C10orf105: variants seen among roughly 807,000 people sequenced by gnomAD.
C10orf105 encodes uncharacterized protein C10orf105.
Under a neutral mutation model 0.6 loss-of-function variants are expected in C10orf105, and 2 were observed. The ratio of observed to expected loss-of-function variants is 3.18; its 90% CI spans 1.30 to 10.01. The LOEUF is 10.01. Among genes scored for constraint, C10orf105 ranks in the 30% most tolerant of loss-of-function variants. The pLI is 0.04. For missense variants in C10orf105, 209 were observed against 191.4 expected, an observed-to-expected ratio of 1.09 and a Z score of -0.54; for synonymous variants, 95 against 82.4, an observed-to-expected ratio of 1.15 and a Z score of -0.83.
At chr10:71,723,671 G>A (rs1419087338), upstream of C10orf105, among the ~76,000 whole-genome samples, 1 of 152,186 alleles carries the variant, frequency 6.6e-6, no homozygotes, top group African/African-American at 2.4e-5. Flanking sequence ...GCCACCCTGG[G>A]AGAGGCTCCT....
chr10:71,730,405 C>A, intron 1 of C10orf105: 2 of 1,580,408 alleles, frequency 1.3e-6, no homozygotes, highest in Admixed American at 1.8e-5. Flanking sequence ...CACAGTGGGC[C>A]AAGCCCTGGG....
At position 71,715,744 on chromosome 10, in the gene C10orf105, G is replaced by A; in HGVS notation, c.*192C>T. 2 of 484,274 alleles carry A rather than the reference G, an allele frequency of 4.1e-6. No homozygotes were observed. Among genetic ancestry groups the A allele is most frequent in the Non-Finnish European group, 3.6e-6 (1 of 278,560 alleles). 30.0% of individuals were successfully genotyped at this position (484,274 alleles called of 1,614,324 possible). A position where few individuals can be genotyped will look rare whatever the true frequency, so the allele number is the denominator to read the frequency against. Reference sequence around the variant, plus strand: ...GCAGCAGCGAGGGGGTCTGCAGAGAGGAAGGTGCTCTTCTGAGGATCATCT... The same window carrying A: ...GCAGCAGCGAGGGGGTCTGCAGAGAAGAAGGTGCTCTTCTGAGGATCATCT... On this transcript the variant is annotated 3_prime_UTR_variant, in exon 2 of 2. Transcript: ENST00000441508.
upstream of C10orf105, among the ~76,000 whole-genome samples, chr10:71,724,715 C>T (rs1201783035): frequency 6.6e-6 from 1 of 152,252 alleles, no homozygotes; most frequent in African/African-American, 2.4e-5. Context: ...AGCACGCTCC[C>T]CAGGGACTGG....
Position 71,712,623 on chromosome 10 carries a change from C to A in C10orf105, c.*3313G>T. 1 of 1,607,444 alleles carries A rather than the reference C, an allele frequency of 6.2e-7. No individual in the cohort carries two copies. ...AAAGTCACAGGAAGTGTGCCCCTCT[C>A]TCAGGCAGCTGCTAACACCTGTCTT... On this transcript the variant is annotated 3_prime_UTR_variant, in exon 2 of 2. Coordinates refer to ENST00000441508, the MANE Select transcript of C10orf105 (RefSeq NM_001164375.3).
chr10:71,735,517 T>A (rs955502519), intron 1 of C10orf105, among the ~76,000 whole-genome samples: 4 of 152,094 alleles, frequency 2.6e-5, no homozygotes, highest in African/African-American at 9.7e-5. Flanking sequence ...CACTCAGCCA[T>A]CAATCTGGCC....
intron 1 of C10orf105, chr10:71,730,595 C>G (rs397517327): frequency 1.2e-6 from 2 of 1,613,722 alleles, no homozygotes; most frequent in Non-Finnish European, 1.7e-6. Flanking sequence ...AGCCACAGAC[C>G]GAGACTCTGG....
At chr10:71,725,431 C>G (rs553544669) in intron 1 of C10orf105, 3 of 1,613,916 alleles carry the variant, frequency 1.9e-6, no homozygotes, top group Non-Finnish European at 1.7e-6. Context: ...GCGAGGGCCC[C>G]GGCCCCTGGA....
In C10orf105 at chr10:71,716,319, T is replaced by C. The variant is rs918471171; in HGVS notation, c.19A>G (p.Ser7Gly). ...CTGATGGCTGGGGAGCTGGCGAGGC[T>C]GGGGCCCTCTGTGCTCATGGCTCCT... MSTEGP[S>G]LASSPAISPL... is the part of the protein sequence containing the mutation. Residue 7 changes from serine (S) to glycine (G), a missense_variant, in exon 2 of 2, where the codon AGC becomes GGC. Ser to Gly is a moderately conservative substitution (Grantham distance 56, BLOSUM62 0). Coordinates refer to ENST00000441508, the MANE Select transcript of C10orf105 (RefSeq NM_001164375.3). 2 of 1,494,362 alleles carry C rather than the reference T, an allele frequency of 1.3e-6. No homozygotes were observed. Among genetic ancestry groups the C allele is most frequent in the East Asian group, 2.5e-5 (1 of 40,056 alleles). The allele number at this position is 1,494,362 out of a possible 1,614,324, so 92.6% of individuals were successfully genotyped here.
chr10:71,734,752 A>G, intron 1 of C10orf105: 1 of 784,050 alleles, frequency 1.3e-6, no homozygotes, highest in Non-Finnish European at 2.0e-6. Flanking sequence ...CACCTCTCCC[A>G]GAGAGAAGGC....
chr10:71,720,176 C>G (rs1866487328), upstream of C10orf105, among the ~76,000 whole-genome samples: 1 of 152,192 alleles, frequency 6.6e-6, no homozygotes, highest in Admixed American at 6.5e-5. Flanking sequence ...AGTGCTGGTC[C>G]CTGGCAGCCC....
In C10orf105 at chr10:71,714,746, C is replaced by G. The variant is rs12244037; in HGVS notation, c.*1190G>C. ...GGGGAGTGGCAAGCCAGAGCTCACT[C>G]CTTGGGGAGACGTGGCTGGCTGCAC... On this transcript the variant is annotated 3_prime_UTR_variant, in exon 2 of 2. Coordinates refer to ENST00000441508, the MANE Select transcript of C10orf105 (RefSeq NM_001164375.3). 1 of 152,226 alleles carries G rather than the reference C, an allele frequency of 6.6e-6. No individual in the cohort carries two copies. Among genetic ancestry groups the G allele is most frequent in the Non-Finnish European group, 1.5e-5 (1 of 68,086 alleles). The allele number at this position is 152,226 out of a possible 1,614,324, so 9.4% of individuals were successfully genotyped here. A position where few individuals can be genotyped will look rare whatever the true frequency, so the allele number is the denominator to read the frequency against.
chr10:71,721,590 C>T (rs536980152), upstream of C10orf105, among the ~76,000 whole-genome samples: 5 of 152,204 alleles, frequency 3.3e-5, no homozygotes, highest in Non-Finnish European at 7.3e-5. Flanking sequence ...GTGCCTGACC[C>T]AGGGCCCTTG....
At chr10:71,735,618 C>A (rs1052834493) in intron 1 of C10orf105, among the ~76,000 whole-genome samples, 1 of 152,204 alleles carries the variant, frequency 6.6e-6, no homozygotes, top group Non-Finnish European at 1.5e-5. Context: ...CATTGCCACG[C>A]CCTGCTGAGT....
In C10orf105 at chr10:71,725,007, C is replaced by T. The variant is rs538950934; in HGVS notation, c.-5-8665G>A. ...TTTCAGTCCCTCTTTTTGGAGTGCCCCAGGTTCTTCTGAAATATTAAAAAG... is the reference window on the plus strand; with the variant it reads ...TTTCAGTCCCTCTTTTTGGAGTGCCTCAGGTTCTTCTGAAATATTAAAAAG... On this transcript the variant is annotated intron_variant, in intron 1 of 1. Coordinates refer to the C10orf105 transcript ENST00000398786. 4.6e-5 allele frequency among the ~76,000 whole-genome samples: 7 copies of T among 152,274 alleles called. No individual in the cohort carries two copies. The South Asian group carries it at 1.5e-3, about 32-fold the overall frequency.
intron 1 of C10orf105, chr10:71,730,359 A>C: frequency 7.1e-7 from 1 of 1,407,488 alleles, no homozygotes; most frequent in Non-Finnish European, 9.6e-7. Context: ...GGGAGCTCAC[A>C]GCAGGCCCAG....
chr10:71,732,171 C>T lies in C10orf105; in HGVS notation c.-6+5557G>A, dbSNP rs1411297278. The T allele has an allele frequency of 1.9e-6, 3 of 1,613,890 alleles. No individual in the cohort carries two copies. Among genetic ancestry groups the T allele is most frequent in the African/African-American group, 2.7e-5 (2 of 74,938 alleles). On this transcript the variant is annotated intron_variant, in intron 1 of 1. Transcript: ENST00000398786. Reference sequence around the variant, plus strand: ...TCAACCAGGGCTTCTGCAGCGTCTACATCACTCTGCTCAACGAGCTGGACG... The same window carrying T: ...TCAACCAGGGCTTCTGCAGCGTCTATATCACTCTGCTCAACGAGCTGGACG...
intron 1 of C10orf105, chr10:71,734,567 G>T (rs1395704159): frequency 5.6e-6 from 9 of 1,606,212 alleles, no homozygotes; most frequent in East Asian, 2.3e-5. Flanking sequence ...ACACTGCCGG[G>T]AGTGGGGTCT....
In C10orf105 at chr10:71,716,280, GA is replaced by G; in HGVS notation, c.57del (p.Leu20SerfsTer37). The G allele has an allele frequency of 1.3e-6, 2 of 1,531,914 alleles. No individual in the cohort carries two copies. Among genetic ancestry groups the G allele is most frequent in the Non-Finnish European group, 1.8e-6 (2 of 1,135,250 alleles). The allele number at this position is 1,531,914 out of a possible 1,614,324, so 94.9% of individuals were successfully genotyped here. On this transcript the variant is annotated frameshift_variant, in exon 2 of 2. Coordinates refer to ENST00000441508, the MANE Select transcript of C10orf105 (RefSeq NM_001164375.3). LOFTEE classifies it low-confidence loss of function (END_TRUNC). ...ASSPAISPLA[F>X]LSAPVTPGTL... ...GTCCCGGGAGTGACGGGAGCTGAGA[GA>G]AAGGCGAGGGGGCTGATGGCTGGGG... is the stretch of plus-strand genomic sequence containing the variant.
At chr10:71,737,656 C>T (rs879609722) in intron 1 of C10orf105, 6 of 466,552 alleles carry the variant, frequency 1.3e-5, no homozygotes, top group Admixed American at 7.1e-5. Context: ...TGGGAGAAGG[C>T]CTGTCCTGGG....
Sources: gnomAD v4.1 joint callset for allele counts (sites outside exome capture counted in the v4.1 genomes callset) on GRCh38, gnomAD v4.1.1 for gene constraint, MANE v1.5 for transcripts, NCBI Gene and HGNC (gene_info 2026-07-23, HGNC 2026-07-21) for gene names.